Variants in RIC1 observed in about 807,000 individuals in gnomAD.
RIC1 encodes the protein guanine nucleotide exchange factor subunit RIC1.
RIC1 carries 88 observed loss-of-function variants against 169.0 expected under a neutral mutation model. That is an observed-to-expected ratio of 0.52 (90% CI 0.44 to 0.62). The LOEUF (loss-of-function observed/expected upper bound fraction) is 0.62. Among genes scored for constraint, RIC1 ranks in the 20% least tolerant of loss-of-function variants. The pLI is 0.00. For synonymous variants in RIC1, 790 were observed against 601.5 expected, an observed-to-expected ratio of 1.31 and a Z score of -4.59; for missense variants, 1,877 against 1,725.5, an observed-to-expected ratio of 1.09 and a Z score of -1.56.
At chr9:5,689,897 A>C in intron 2 of RIC1, 62 bp from the exon 3 acceptor site, 1 of 1,118,276 alleles carries the variant, frequency 8.9e-7, no homozygotes, top group Non-Finnish European at 1.3e-6. Context: ...ATAAAATTAA[A>C]ATTCAGGGTT....
chr9:5,670,226 C>CT (rs1231305700), intron 2 of RIC1, among the ~76,000 whole-genome samples: 1 of 152,288 alleles, frequency 6.6e-6, no homozygotes, highest in African/African-American at 2.4e-5. Flanking sequence ...CATTTCAAGT[C>CT]TGATTATTTC....
chr9:5,677,716 C>A (rs924087187), intron 2 of RIC1, among the ~76,000 whole-genome samples: 3 of 151,668 alleles, frequency 2.0e-5, no homozygotes, highest in African/African-American at 7.3e-5. Context: ...AACATTAAAA[C>A]ACAGGAAAAG....
Position 5,720,159 on chromosome 9 carries a change from AAATT to A in RIC1, c.441-18_441-15del, listed in dbSNP as rs778818611. On this transcript the variant is annotated intron_variant, in intron 4 of 25. Transcript: ENST00000414202. The stretch of plus-strand genomic sequence containing the variant: ...TTGCTTTCCCAGTATGCTCTCTTAA[AAATT>A]AATTGATTCTACCTACAGTTTGCAG... The A allele has an allele frequency of 1.3e-6, 2 of 1,597,066 alleles. No homozygotes were observed. The highest frequency in any genetic ancestry group is 1.7e-6 in the Non-Finnish European group (2 of 1,167,032).
intron 7 of RIC1, among the ~76,000 whole-genome samples, chr9:5,735,728 G>C (rs920190639): frequency 6.6e-6 from 1 of 152,126 alleles, no homozygotes; most frequent in African/African-American, 2.4e-5. Flanking sequence ...TTCCTTTTAG[G>C]ATGCCAGTTT....
chr9:5,757,434 T>C lies in RIC1; in HGVS notation c.1975T>C (p.Leu659=). 6.2e-7 allele frequency: 1 copy of C among 1,614,074 alleles called. No individual in the cohort carries two copies. Among genetic ancestry groups the C allele is most frequent in the Non-Finnish European group, 8.5e-7 (1 of 1,179,944 alleles). Residue 659 remains leucine, a synonymous_variant, in exon 17 of 26, where the codon TTG becomes CTG. Transcript: ENST00000414202. ...AGTGAGTACAGAGAATGGAATCACC[T>C]TGAAAATGCCACAGCAGGTACCACT... ...TSVSTENGIT[L]KMPQQARGAE... is the part of the protein sequence containing the mutation.
chr9:5,695,434 C>T (rs1232054486), intron 3 of RIC1, among the ~76,000 whole-genome samples: 6 of 152,066 alleles, frequency 3.9e-5, no homozygotes. Flanking sequence ...CTCTTCCTGC[C>T]CACTAACATC....
chr9:5,720,361 T>G (rs765046222), intron 5 of RIC1, 37 bp downstream of exon 5: 3 of 1,578,626 alleles, frequency 1.9e-6, no homozygotes, highest in African/African-American at 1.4e-5. Context: ...AACCAGTTGT[T>G]TAATGTTTGA....
chr9:5,728,507 C>G (rs986239228), intron 6 of RIC1, among the ~76,000 whole-genome samples: 1 of 152,208 alleles, frequency 6.6e-6, no homozygotes, highest in African/African-American at 2.4e-5. Context: ...AGGTGATGCC[C>G]TGTCCTCCTT....
chr9:5,677,996 C>A (rs1177737118), intron 2 of RIC1, among the ~76,000 whole-genome samples: 2 of 151,984 alleles, frequency 1.3e-5, no homozygotes, highest in Non-Finnish European at 2.9e-5. Context: ...ATCCCTCCCC[C>A]CTGCCCCCAC....
At chr9:5,749,165 C>T (rs1306024186) in intron 12 of RIC1, among the ~76,000 whole-genome samples, 1 of 152,176 alleles carries the variant, frequency 6.6e-6, no homozygotes, top group Admixed American at 6.5e-5. Context: ...TCTTTATCAT[C>T]ACTCTACGTT....
chr9:5,723,990 C>T (rs556742282), intron 6 of RIC1, among the ~76,000 whole-genome samples: 1,946 of 152,018 alleles, frequency 0.013, 58 homozygotes, highest in African/African-American at 0.044. Context: ...AGTCAGGTAG[C>T]GTGATGCCTC....
chr9:5,775,166 G>C lies in RIC1; in HGVS notation c.*920G>C, dbSNP rs1827510624. On this transcript the variant is annotated 3_prime_UTR_variant, in exon 26 of 26. Transcript: ENST00000414202. ...ATGGTCACACTGATCATGAAATGCA[G>C]CAAGTTTTGTGCAAATTAACATAGT... is the stretch of plus-strand genomic sequence containing the variant. 1 of 152,156 alleles carries C rather than the reference G, an allele frequency of 6.6e-6. No individual in the cohort carries two copies. The highest frequency in any genetic ancestry group is 2.1e-4 in the South Asian group (1 of 4,830). The allele number at this position is 152,156 out of a possible 1,614,324, so 9.4% of individuals were successfully genotyped here.
chr9:5,648,880 G>A (rs894027289), intron 1 of RIC1, among the ~76,000 whole-genome samples: 1 of 152,270 alleles, frequency 6.6e-6, no homozygotes, highest in East Asian at 1.9e-4. Context: ...AGTTGTTTGA[G>A]TTCCTTGTAT....
In RIC1 at chr9:5,648,074, C is replaced by A. The variant is rs113545122; in HGVS notation, c.145-8509C>A. Among the ~76,000 whole-genome samples, 201 of 150,584 alleles carry A rather than the reference C, an allele frequency of 1.3e-3. 1 individual carries two copies. The highest frequency in any genetic ancestry group is 4.8e-3 in the African/African-American group (194 of 40,832). On this transcript the variant is annotated intron_variant, in intron 1 of 25. Coordinates refer to ENST00000414202, the MANE Select transcript of RIC1 (RefSeq NM_020829.4). ...CTCGGCTTACTGCAACCGCCACCTC[C>A]CGAGTTCAAGCAATTCTTCTGCCTC...
rs1217412505 is a variant in RIC1 at position 5,629,237 on chromosome 9, G to C, written c.-73G>C. ...GCCGACTCGGCCGGTGGCGGTGTGG[G>C]AGGTGGGCGACCAGCCCGGGGCCGC... On this transcript the variant is annotated 5_prime_UTR_variant, in exon 1 of 26. Coordinates refer to ENST00000414202, the MANE Select transcript of RIC1 (RefSeq NM_020829.4). 9.3e-6 allele frequency: 12 copies of C among 1,287,992 alleles called. No homozygotes were observed. The South Asian group carries it at 2.6e-4, about 28-fold the overall frequency. The allele number at this position is 1,287,992 out of a possible 1,614,324, so 79.8% of individuals were successfully genotyped here. A position where few individuals can be genotyped will look rare whatever the true frequency, so the allele number is the denominator to read the frequency against.
rs370755261 is a variant in RIC1 at position 5,643,125 on chromosome 9, C to CA, written c.145-13458_145-13457insA. Among the ~76,000 whole-genome samples the CA allele has an allele frequency of 2.3e-3, 345 of 152,012 alleles. 1 individual carries two copies. Among genetic ancestry groups the CA allele is most frequent in the African/African-American group, 8.0e-3 (331 of 41,446 alleles). ...GACCAGTCTGGACAGTATAGGGAGA[C>CA]CCCCATCTCTATAAAAAATAAAAAT... is the stretch of plus-strand genomic sequence containing the variant. On this transcript the variant is annotated intron_variant, in intron 1 of 25. Transcript: ENST00000414202.
rs1402698522 is a variant in RIC1 at position 5,772,828 on chromosome 9, T to A, written c.3795-64T>A. 10 of 1,554,718 alleles carry A rather than the reference T, an allele frequency of 6.4e-6. No homozygotes were observed. The African/African-American group carries it at 1.1e-4, about 17-fold the overall frequency. The stretch of plus-strand genomic sequence containing the variant: ...ATGGGGCTACTCTCCTAATAATCAT[T>A]GCACTTCTGTACATCTTATAGATCT... On this transcript the variant is annotated intron_variant, in intron 24 of 25. Transcript: ENST00000414202.
intron 1 of RIC1, among the ~76,000 whole-genome samples, chr9:5,641,103 T>C (rs187477849): frequency 2.0e-5 from 3 of 151,964 alleles, no homozygotes; most frequent in African/African-American, 7.2e-5. Context: ...CTTCTTTTTT[T>C]TTTTTTTGGA....
chr9:5,647,939 T>G (rs1340580951), intron 1 of RIC1, among the ~76,000 whole-genome samples: 1 of 93,508 alleles, frequency 1.1e-5, no homozygotes, highest in Non-Finnish European at 2.1e-5. Context: ...TGGGGGTGGG[T>G]GGTGGTGGTG....
Sources: allele counts gnomAD v4.1 joint callset (sites outside exome capture counted in the v4.1 genomes callset), GRCh38; gene constraint gnomAD v4.1.1; transcripts MANE v1.5; gene names NCBI Gene and HGNC (gene_info 2026-07-23, HGNC 2026-07-21).